The following CDKAL1 variants were observed in gnomAD, a reference collection of about 807,000 sequenced individuals.
CDKAL1 encodes CDKAL1 threonylcarbamoyladenosine tRNA methylthiotransferase.
In CDKAL1, 32 loss-of-function variants were observed where a neutral mutation model predicts 68.2. The observed-to-expected ratio is 0.47, with a 90% CI of 0.35 to 0.63. The LOEUF (loss-of-function observed/expected upper bound fraction) is 0.63, where lower values mean the gene tolerates loss of function less well. CDKAL1 is among the 30% of genes least tolerant of loss of function. The pLI, the probability that CDKAL1 is intolerant of heterozygous loss-of-function variation, is 0.00. For synonymous variants in CDKAL1, 234 were observed against 244.3 expected (o/e 0.96, Z 0.39); for missense variants, 606 against 696.7 (o/e 0.87, Z 1.47).
At position 20,773,319 on chromosome 6, in the gene CDKAL1, G is replaced by T. The variant is rs73732775; in HGVS notation, c.518-7826G>T. Among the ~76,000 whole-genome samples, 1,282 of 152,222 alleles carry T rather than the reference G, an allele frequency of 8.4e-3. 14 individuals are homozygous for T. The highest frequency in any genetic ancestry group is 0.028 in the African/African-American group (1,176 of 41,552). On this transcript the variant is annotated intron_variant, in intron 7 of 15. Coordinates refer to ENST00000274695, the MANE Select transcript of CDKAL1 (RefSeq NM_017774.3). ...TAAGAAGTACCTGTATATGAGGAAT[G>T]ATATTGAATGGAGTAGAGACAAACT...
chr6:21,001,643 A>G (rs184806442), intron 11 of CDKAL1, among the ~76,000 whole-genome samples: 181 of 152,246 alleles, frequency 1.2e-3, no homozygotes, highest in Non-Finnish European at 2.0e-3. Context: ...AATCTTGAAC[A>G]GAACTGTGTT....
Position 21,198,007 on chromosome 6 carries a change from C to T in CDKAL1, c.1300-14C>T, listed in dbSNP as rs535123701. The T allele has an allele frequency of 3.2e-6, 5 of 1,545,174 alleles. No individual in the cohort carries two copies. The African/African-American group carries it at 6.8e-5, about 21-fold the overall frequency. On this transcript the variant is annotated splice_polypyrimidine_tract_variant and intron_variant, in intron 13 of 15. Transcript: ENST00000274695. Reference sequence around the variant, plus strand: ...CCTTATCTTTCCTTTCTTTCCCTCCCCTTCTCTCCACAGATTGGTGAAAGA... The same window carrying T: ...CCTTATCTTTCCTTTCTTTCCCTCCTCTTCTCTCCACAGATTGGTGAAAGA...
intron 13 of CDKAL1, among the ~76,000 whole-genome samples, chr6:21,174,166 C>T (rs1777495497): frequency 6.6e-6 from 1 of 152,078 alleles, no homozygotes; most frequent in Non-Finnish European, 1.5e-5. Context: ...GCTAAAGGAA[C>T]TAAGCAAATA....
intron 11 of CDKAL1, among the ~76,000 whole-genome samples, chr6:21,061,834 A>T (rs1013720694): frequency 6.6e-6 from 1 of 152,200 alleles, no homozygotes; most frequent in Non-Finnish European, 1.5e-5. Flanking sequence ...TACTTAAAAA[A>T]CATTTTATAA....
At chr6:21,201,332 C>T in intron 15 of CDKAL1, 58 bp downstream of exon 15, 1 of 1,431,046 alleles carries the variant, frequency 7.0e-7, no homozygotes. Flanking sequence ...TGTGGAAGCA[C>T]AGTGATTCCA....
chr6:20,935,431 CTT>C (rs147959758), intron 9 of CDKAL1, among the ~76,000 whole-genome samples: 8 of 143,088 alleles, frequency 5.6e-5, no homozygotes, highest in African/African-American at 5.1e-5. Context: ...GAAAATTAGA[CTT>C]TTTTTTTTTT....
chr6:20,639,345 C>T (rs1768056600), intron 4 of CDKAL1, among the ~76,000 whole-genome samples: 1 of 152,092 alleles, frequency 6.6e-6, no homozygotes, highest in South Asian at 2.1e-4. Context: ...CAGAGACTCA[C>T]TCTACAGACA....
intron 10 of CDKAL1, among the ~76,000 whole-genome samples, chr6:20,971,595 G>T (rs1296134211): frequency 6.6e-6 from 1 of 152,106 alleles, no homozygotes; most frequent in Non-Finnish European, 1.5e-5. Flanking sequence ...ACAGATTTTA[G>T]AATATAACAA....
chr6:20,926,184 G>T (rs991256502), intron 9 of CDKAL1, among the ~76,000 whole-genome samples: 1 of 152,026 alleles, frequency 6.6e-6, no homozygotes. Flanking sequence ...GCTGCAGAAG[G>T]GTTGGTAAAA....
intron 5 of CDKAL1, among the ~76,000 whole-genome samples, chr6:20,650,334 A>T (rs140863216): frequency 1.3e-5 from 2 of 151,978 alleles, no homozygotes; most frequent in African/African-American, 4.8e-5. Context: ...ACTTTTTTTC[A>T]TATGTTTTTT....
chr6:20,634,408 G>T (rs1434330951), intron 4 of CDKAL1, among the ~76,000 whole-genome samples: 2 of 151,996 alleles, frequency 1.3e-5, no homozygotes, highest in Non-Finnish European at 2.9e-5. Flanking sequence ...GTATCTTATT[G>T]ACCCAGTTTT....
intron 13 of CDKAL1, among the ~76,000 whole-genome samples, chr6:21,159,432 A>G (rs1426350669): frequency 6.6e-6 from 1 of 152,178 alleles, no homozygotes. Flanking sequence ...TTCCAAGGGA[A>G]ACTAGAATGA....
At chr6:20,616,156 T>G (rs1420387125) in intron 4 of CDKAL1, among the ~76,000 whole-genome samples, 6 of 151,596 alleles carry the variant, frequency 4.0e-5, no homozygotes, top group African/African-American at 1.5e-4. Flanking sequence ...GTTTTGGTAC[T>G]AGTACCATGC....
chr6:20,841,889 AT>A (rs1778188882), intron 8 of CDKAL1, among the ~76,000 whole-genome samples: 1 of 152,212 alleles, frequency 6.6e-6, no homozygotes, highest in Non-Finnish European at 1.5e-5. Context: ...ATTAGTAGGT[AT>A]TGTGTGCTAG....
At chr6:20,961,174 G>A (rs149785316) in intron 10 of CDKAL1, among the ~76,000 whole-genome samples, 1 of 152,128 alleles carries the variant, frequency 6.6e-6, no homozygotes, top group Non-Finnish European at 1.5e-5. Flanking sequence ...CAATCACAAA[G>A]ACATGGAGTC....
chr6:21,145,604 G>A (rs1348853288), intron 13 of CDKAL1, among the ~76,000 whole-genome samples: 1 of 152,196 alleles, frequency 6.6e-6, no homozygotes, highest in Non-Finnish European at 1.5e-5. Flanking sequence ...TGATGTTAGG[G>A]AATAGAGTGA....
chr6:20,796,650 G>A (rs1228910899), intron 8 of CDKAL1, among the ~76,000 whole-genome samples: 2 of 152,180 alleles, frequency 1.3e-5, no homozygotes, highest in Non-Finnish European at 2.9e-5. Flanking sequence ...TAAATCACTG[G>A]AAGGAGACTA....
In CDKAL1 at chr6:21,113,684, G is replaced by A. The variant is rs189689468; in HGVS notation, c.1299+5221G>A. On this transcript the variant is annotated intron_variant, in intron 13 of 15. Coordinates refer to ENST00000274695, the MANE Select transcript of CDKAL1 (RefSeq NM_017774.3). The stretch of plus-strand genomic sequence containing the variant: ...GGGTTTCACCATGTTGGCCAGGCCG[G>A]TCTCGAACTCCTGACCTCAGGTGAT... Among the ~76,000 whole-genome samples, 393 of 151,520 alleles carry A rather than the reference G, an allele frequency of 2.6e-3. 4 individuals are homozygous for A. Among genetic ancestry groups the A allele is most frequent in the African/African-American group, 9.1e-3 (375 of 41,424 alleles).
At chr6:20,881,617 T>C (rs1164830620) in intron 9 of CDKAL1, among the ~76,000 whole-genome samples, 4 of 152,202 alleles carry the variant, frequency 2.6e-5, no homozygotes, top group African/African-American at 9.6e-5. Flanking sequence ...TTGGGCTTTC[T>C]AGGTAAGCAA....
Sources: allele counts gnomAD v4.1 joint callset (sites outside exome capture counted in the v4.1 genomes callset), GRCh38; gene constraint gnomAD v4.1.1; transcripts MANE v1.5; gene names NCBI Gene and HGNC (gene_info 2026-07-23, HGNC 2026-07-21).